TRIM66: variants seen among roughly 807,000 people sequenced by gnomAD.
TRIM66 encodes the protein tripartite motif containing 66.
In TRIM66, 99 loss-of-function variants were observed where a neutral mutation model predicts 148.2. That is an observed-to-expected ratio of 0.67 (90% CI 0.57 to 0.79). TRIM66 has a LOEUF of 0.79. Among genes scored for constraint, TRIM66 ranks in the 30% least tolerant of loss-of-function variants. The pLI is 0.00. For synonymous variants in TRIM66, 616 were observed against 635.9 expected (o/e 0.97, Z 0.47); for missense variants, 1,666 against 1,697.9 (o/e 0.98, Z 0.33).
chr11:8,641,734 G>T (rs2036409880), intron 13 of TRIM66, among the ~76,000 whole-genome samples: 1 of 152,156 alleles, frequency 6.6e-6, no homozygotes, highest in African/African-American at 2.4e-5. Flanking sequence ...GGTGGGAGGT[G>T]ACTGGATCGT....
At chr11:8,660,691 C>T (rs1204627865) in intron 6 of TRIM66, among the ~76,000 whole-genome samples, 2 of 152,328 alleles carry the variant, frequency 1.3e-5, no homozygotes, top group Middle Eastern at 3.4e-3. Context: ...TAGCCTCACC[C>T]TTTGGAGTTT....
chr11:8,657,927 C>T (rs1225406491), intron 6 of TRIM66, among the ~76,000 whole-genome samples: 1 of 152,228 alleles, frequency 6.6e-6, no homozygotes, highest in African/African-American at 2.4e-5. Flanking sequence ...GTGATTAGGG[C>T]AACACTGGGA....
chr11:8,653,081 T>A (rs374175192), intron 6 of TRIM66, among the ~76,000 whole-genome samples: 21 of 152,186 alleles, frequency 1.4e-4, no homozygotes, highest in Admixed American at 8.5e-4. Context: ...ATTCCTCATA[T>A]CCTATTCACA....
chr11:8,656,331 T>A (rs972610716), intron 6 of TRIM66, among the ~76,000 whole-genome samples: 1 of 152,208 alleles, frequency 6.6e-6, no homozygotes, highest in Admixed American at 6.5e-5. Flanking sequence ...GATATCATGC[T>A]TTTTTCTATT....
At chr11:8,622,367 T>C (rs866471505) in intron 18 of TRIM66, among the ~76,000 whole-genome samples, 1,539 of 46,272 alleles carry the variant, frequency 0.033, 156 homozygotes, top group African/African-American at 0.075. Context: ...CACACACACA[T>C]ATATATATAT....
At chr11:8,647,063 CATATAATTATATAATAAACAATAAACAT>C (rs2036919121) in intron 10 of TRIM66, among the ~76,000 whole-genome samples, 1 of 139,284 alleles carries the variant, frequency 7.2e-6, no homozygotes, top group Non-Finnish European at 1.5e-5. Context: ...CAATAATAAA[CATATAATTATATAATAAACAATAAACAT>C]ATAATATAAT....
chr11:8,614,803 A>G lies in TRIM66; in HGVS notation c.*3141T>C, dbSNP rs10743083. ...ACTGCCATGGAACAGAGCATATGGA[A>G]GGTATGGTTGCCACTCAGGTAGGGG... is the stretch of plus-strand genomic sequence containing the variant. On this transcript the variant is annotated 3_prime_UTR_variant, in exon 25 of 25. Coordinates refer to ENST00000646038, the MANE Select transcript of TRIM66 (RefSeq NM_001388022.1). 121,580 of 152,482 alleles carry G rather than the reference A, an allele frequency of 0.8. 48,616 individuals are homozygous for G. The highest frequency in any genetic ancestry group is 0.84 in the South Asian group (4,030 of 4,826). 9.4% of individuals were successfully genotyped at this position (152,482 alleles called of 1,614,324 possible). A position where few individuals can be genotyped will look rare whatever the true frequency, so the allele number is the denominator to read the frequency against.
chr11:8,615,349 G>C lies in TRIM66; in HGVS notation c.*2595C>G, dbSNP rs2033658355. On this transcript the variant is annotated 3_prime_UTR_variant, in exon 25 of 25. Coordinates refer to ENST00000646038, the MANE Select transcript of TRIM66 (RefSeq NM_001388022.1). Reference sequence around the variant, plus strand: ...ACCCAAGAAGTCAATTTTTCCTCTAGGGCTGCATGCTGTCCCATAAGAATC... The same window carrying C: ...ACCCAAGAAGTCAATTTTTCCTCTACGGCTGCATGCTGTCCCATAAGAATC... 6.6e-6 allele frequency: 1 copy of C among 152,088 alleles called. No individual in the cohort carries two copies. The highest frequency in any genetic ancestry group is 1.5e-5 in the Non-Finnish European group (1 of 68,022). 9.4% of individuals were successfully genotyped at this position (152,088 alleles called of 1,614,324 possible). A position where few individuals can be genotyped will look rare whatever the true frequency, so the allele number is the denominator to read the frequency against.
intron 18 of TRIM66, among the ~76,000 whole-genome samples, chr11:8,622,048 A>T (rs534074127): frequency 6.6e-6 from 1 of 152,020 alleles, no homozygotes; most frequent in Non-Finnish European, 1.5e-5. Context: ...TTGGGTGGGC[A>T]CCATCTAATC....
At chr11:8,669,684 C>T (rs1043193842) in intron 6 of TRIM66, among the ~76,000 whole-genome samples, 3 of 151,624 alleles carry the variant, frequency 2.0e-5, no homozygotes, top group Admixed American at 6.6e-5. Flanking sequence ...TTATTCACAA[C>T]CCCTAGTGGC....
At chr11:8,657,597 A>T (rs1448310522) in intron 6 of TRIM66, among the ~76,000 whole-genome samples, 3 of 152,162 alleles carry the variant, frequency 2.0e-5, no homozygotes, top group Non-Finnish European at 4.4e-5. Flanking sequence ...TGCCTCTGTC[A>T]GACACTAAGC....
intron 1 of TRIM66, among the ~76,000 whole-genome samples, chr11:8,681,781 G>C (rs1034637155): frequency 2.0e-5 from 3 of 152,104 alleles, no homozygotes; most frequent in Admixed American, 2.0e-4. Flanking sequence ...GACAAACGTA[G>C]GTCAATAAAT....
chr11:8,659,305 T>C (rs576480130), intron 6 of TRIM66, among the ~76,000 whole-genome samples: 2 of 152,068 alleles, frequency 1.3e-5, no homozygotes, highest in African/African-American at 2.4e-5. Context: ...TATGATTATC[T>C]TGATGGACTG....
At position 8,627,858 on chromosome 11, in the gene TRIM66, T is replaced by C. The variant is rs189123969; in HGVS notation, c.2311-2630A>G. Among the ~76,000 whole-genome samples, 4 of 152,346 alleles carry C rather than the reference T, an allele frequency of 2.6e-5. No individual in the cohort carries two copies. The East Asian group carries it at 7.7e-4, about 29-fold the overall frequency. On this transcript the variant is annotated intron_variant, in intron 15 of 24. Transcript: ENST00000646038. ...TTTGTTTTTCTGAACAGGGTCTTGC[T>C]CTGTCACCCTGGCTGGAATGCAGTG...
At position 8,643,137 on chromosome 11, in the gene TRIM66, C is replaced by A; in HGVS notation, c.1105-11G>T. The A allele has an allele frequency of 6.5e-7, 1 of 1,547,724 alleles. No individual in the cohort carries two copies. Among genetic ancestry groups the A allele is most frequent in the Admixed American group, 2.0e-5 (1 of 50,342 alleles). On this transcript the variant is annotated splice_polypyrimidine_tract_variant and intron_variant, in intron 12 of 24. Transcript: ENST00000646038. ...CATCTGAAACACAATCTGACAACAG[C>A]ACCAAAGGTCATTTATTTGGGCATC... is the stretch of plus-strand genomic sequence containing the variant.
At chr11:8,628,367 C>T (rs1385825559) in intron 15 of TRIM66, among the ~76,000 whole-genome samples, 1 of 151,902 alleles carries the variant, frequency 6.6e-6, no homozygotes. Context: ...AATCCCAGCA[C>T]TTTGGGAGAC....
chr11:8,650,014 T>C, intron 7 of TRIM66, 127 bp from the exon 8 acceptor site: 2 of 1,093,240 alleles, frequency 1.8e-6, no homozygotes, highest in East Asian at 2.6e-5. Context: ...TGTAACCTAT[T>C]CTGCAGAGCT....
intron 6 of TRIM66, among the ~76,000 whole-genome samples, chr11:8,665,686 G>A (rs143524373): frequency 6.6e-6 from 1 of 152,270 alleles, no homozygotes; most frequent in Non-Finnish European, 1.5e-5. Flanking sequence ...AGCCAGGCAC[G>A]GTGGCTCATG....
rs563739729 is a variant in TRIM66 at position 8,672,082 on chromosome 11, C to A, written c.44G>T (p.Arg15Leu). ...CTCAGGTGAGAAGCAGCGTGTAGAG[C>A]GAGCCAGCTCCACTCCCTGTAAGTG... ...SFWSQGVELA[R>L]STRCFSPEDI... is the part of the protein sequence containing the mutation. Residue 15 changes from arginine to leucine, a missense_variant, in exon 6 of 25, where the codon CGC becomes CTC. Coordinates refer to ENST00000646038, the MANE Select transcript of TRIM66 (RefSeq NM_001388022.1). 7.2e-5 allele frequency: 110 copies of A among 1,533,020 alleles called. No individual in the cohort carries two copies. In the African/African-American group the frequency reaches 1.4e-3, roughly 19 times the overall value. 95.0% of individuals were successfully genotyped at this position (1,533,020 alleles called of 1,614,324 possible). A position where few individuals can be genotyped will look rare whatever the true frequency, so the allele number is the denominator to read the frequency against.
Sources: gnomAD v4.1 joint callset for allele counts (sites outside exome capture counted in the v4.1 genomes callset) on GRCh38, gnomAD v4.1.1 for gene constraint, MANE v1.5 for transcripts, NCBI Gene and HGNC (gene_info 2026-07-23, HGNC 2026-07-21) for gene names.